GBE1: variants seen among roughly 807,000 people sequenced by gnomAD.
GBE1 encodes 1,4-alpha-glucan-branching enzyme.
GBE1 carries 70 observed loss-of-function variants against 88.8 expected under a neutral mutation model. The ratio of observed to expected loss-of-function variants is 0.79; its 90% confidence interval spans 0.65 to 0.96. The LOEUF (loss-of-function observed/expected upper bound fraction) is 0.96. GBE1 is among the 40% of genes least tolerant of loss of function. The pLI is 0.00. For synonymous variants in GBE1, 284 were observed against 300.1 expected (o/e 0.95, Z 0.56); for missense variants, 872 against 871.0 (o/e 1.00, Z -0.01).
chr3:81,595,258 C>T (rs1045139712), intron 7 of GBE1, among the ~76,000 whole-genome samples: 5 of 151,380 alleles, frequency 3.3e-5, no homozygotes, highest in Admixed American at 6.6e-5. Flanking sequence ...CATGTTCATA[C>T]GGTTTAAGGG....
At position 81,642,846 on chromosome 3, in the gene GBE1, A is replaced by C. The variant is rs1414015038; in HGVS notation, c.927T>G (p.Cys309Trp). Reference sequence around the variant, plus strand: ...TCCCTCTAGGTCCAGAATGAAAATAACAGGAATCTGTCCCATCAAACATAT... The same window carrying C: ...TCCCTCTAGGTCCAGAATGAAAATACCAGGAATCTGTCCCATCAAACATAT... ...GLNMFDGTDS[C>W]YFHSGPRGTH... The change falls in exon 7 of 16, where the codon TGT becomes TGG. Residue 309 changes from cysteine (C) to tryptophan (W), a missense_variant. Coordinates refer to ENST00000429644, the MANE Select transcript of GBE1 (RefSeq NM_000158.4). The C allele has an allele frequency of 6.2e-7, 1 of 1,613,450 alleles. No individual in the cohort carries two copies. Among genetic ancestry groups the C allele is most frequent in the Non-Finnish European group, 8.5e-7 (1 of 1,179,476 alleles).
intron 7 of GBE1, chr3:81,612,585 T>C: frequency 1.5e-6 from 1 of 671,502 alleles, no homozygotes; most frequent in Admixed American, 1.8e-5. Flanking sequence ...AAATTTGGGA[T>C]GTTGGCGATC....
Position 81,489,725 on chromosome 3 carries a change from T to C in GBE1, c.*682A>G, listed in dbSNP as rs1702413685. 3.3e-5 allele frequency: 5 copies of C among 152,132 alleles called. No individual in the cohort carries two copies. In the South Asian group the frequency reaches 1.0e-3, roughly 31 times the overall value. 9.4% of individuals were successfully genotyped at this position (152,132 alleles called of 1,614,324 possible). A position where few individuals can be genotyped will look rare whatever the true frequency, so the allele number is the denominator to read the frequency against. On this transcript the variant is annotated 3_prime_UTR_variant, in exon 16 of 16. Coordinates refer to ENST00000429644, the MANE Select transcript of GBE1 (RefSeq NM_000158.4). ...CAATTTTACAAAAGCTTTTTATTGA[T>C]TGAAATGAAAGACATTTTCTGAAAT...
intron 12 of GBE1, among the ~76,000 whole-genome samples, chr3:81,563,909 G>A (rs1429955250): frequency 6.6e-6 from 1 of 151,264 alleles, no homozygotes; most frequent in Non-Finnish European, 1.5e-5. Flanking sequence ...GAGAAAGGGA[G>A]GGAGGGAGGG....
intron 7 of GBE1, among the ~76,000 whole-genome samples, chr3:81,608,702 G>T (rs1704134111): frequency 6.6e-6 from 1 of 152,106 alleles, no homozygotes; most frequent in Admixed American, 6.6e-5. Flanking sequence ...TCTGCATGCT[G>T]GGATAAAAAA....
At chr3:81,725,599 T>C (rs895959182) in intron 1 of GBE1, among the ~76,000 whole-genome samples, 1 of 152,192 alleles carries the variant, frequency 6.6e-6, no homozygotes, top group Non-Finnish European at 1.5e-5. Flanking sequence ...ACTGGTAACA[T>C]GTATTATCAT....
At chr3:81,759,411 A>G (rs144810905) in intron 1 of GBE1, among the ~76,000 whole-genome samples, 1 of 152,362 alleles carries the variant, frequency 6.6e-6, no homozygotes, top group African/African-American at 2.4e-5. Context: ...CTGGTTATGT[A>G]TTTGTGTTAG....
At chr3:81,551,173 T>C (rs1703267950) in intron 12 of GBE1, among the ~76,000 whole-genome samples, 1 of 152,218 alleles carries the variant, frequency 6.6e-6, no homozygotes, top group South Asian at 2.1e-4. Context: ...AACAGAAGAA[T>C]ACAACTTTAG....
At chr3:81,661,745 AAGAC>A (rs1705034541) in intron 3 of GBE1, among the ~76,000 whole-genome samples, 1 of 152,170 alleles carries the variant, frequency 6.6e-6, no homozygotes. Flanking sequence ...GAGAAGGTAA[AAGAC>A]AGAGTAGCTA....
chr3:81,747,029 C>T (rs1422434325), intron 1 of GBE1, among the ~76,000 whole-genome samples: 1 of 151,956 alleles, frequency 6.6e-6, no homozygotes, highest in African/African-American at 2.4e-5. Flanking sequence ...GAAGCAAACA[C>T]ACATAAGCAA....
At chr3:81,693,547 T>G (rs1283498197) in intron 2 of GBE1, among the ~76,000 whole-genome samples, 1 of 152,192 alleles carries the variant, frequency 6.6e-6, no homozygotes, top group African/African-American at 2.4e-5. Flanking sequence ...AGAAGGTTAT[T>G]GTCCCTCTTG....
intron 7 of GBE1, among the ~76,000 whole-genome samples, chr3:81,596,376 T>G (rs1703957548): frequency 6.6e-6 from 1 of 151,916 alleles, no homozygotes; most frequent in African/African-American, 2.4e-5. Context: ...CATGTTGGTG[T>G]GCTGCACCCA....
At chr3:81,518,386 C>T (rs1330927903) in intron 14 of GBE1, among the ~76,000 whole-genome samples, 1 of 151,456 alleles carries the variant, frequency 6.6e-6, no homozygotes, top group Admixed American at 6.6e-5. Context: ...AAACTAAATA[C>T]ATTCGTGTGC....
chr3:81,651,546 A>G (rs1176768461), intron 3 of GBE1, among the ~76,000 whole-genome samples: 1 of 152,048 alleles, frequency 6.6e-6, no homozygotes. Flanking sequence ...AGACCAATCT[A>G]TTTCAACTAT....
intron 1 of GBE1, among the ~76,000 whole-genome samples, chr3:81,706,434 T>C (rs770691899): frequency 5.9e-5 from 9 of 152,084 alleles, no homozygotes; most frequent in Admixed American, 3.3e-4. Context: ...ATCCCCTATA[T>C]CCAGTAAGAA....
chr3:81,565,982 A>G (rs1435985248), intron 12 of GBE1, among the ~76,000 whole-genome samples: 1 of 152,214 alleles, frequency 6.6e-6, no homozygotes, highest in Admixed American at 6.5e-5. Flanking sequence ...TGATGAAAAT[A>G]TATTTTAGAA....
chr3:81,714,446 A>C (rs142933766), intron 1 of GBE1, among the ~76,000 whole-genome samples: 1,696 of 152,342 alleles, frequency 0.011, 13 homozygotes, highest in Non-Finnish European at 0.016. Context: ...AATATCTTTC[A>C]TGTGAAATAA....
chr3:81,610,267 G>A (rs371071272), intron 7 of GBE1, among the ~76,000 whole-genome samples: 2 of 152,184 alleles, frequency 1.3e-5, no homozygotes, highest in East Asian at 1.9e-4. Flanking sequence ...GATACAGCAT[G>A]TTAATCAGTG....
intron 2 of GBE1, among the ~76,000 whole-genome samples, chr3:81,680,271 A>T (rs960012588): frequency 3.3e-5 from 5 of 152,150 alleles, no homozygotes; most frequent in Non-Finnish European, 7.4e-5. Flanking sequence ...AGGCGGGTGG[A>T]TCATGAGATG....
Sources: gnomAD v4.1 joint callset for allele counts (sites outside exome capture counted in the v4.1 genomes callset) on GRCh38, gnomAD v4.1.1 for gene constraint, MANE v1.5 for transcripts, NCBI Gene and HGNC (gene_info 2026-07-23, HGNC 2026-07-21) for gene names.